The following UGGT1 variants were observed in gnomAD, a reference collection of about 807,000 sequenced individuals.
UGGT1 encodes the protein UDP-glucose glycoprotein glucosyltransferase 1.
A neutral mutation model predicts 203.9 loss-of-function variants in UGGT1; 107 were observed. That is an observed-to-expected ratio of 0.52 (90% CI 0.45 to 0.62). The LOEUF (loss-of-function observed/expected upper bound fraction) is 0.62. UGGT1 is among the 20% of genes least tolerant of loss of function. The probability of loss-of-function intolerance (pLI) is 0.00; values close to 1 mark genes in which losing one functional copy is unlikely to be tolerated. For missense variants in UGGT1, 1,673 were observed against 1,867.2 expected, an observed-to-expected ratio of 0.90 and a Z score of 1.92; for synonymous variants, 628 against 653.5, an observed-to-expected ratio of 0.96 and a Z score of 0.59.
chr2:128,166,616 T>C (rs1385068608), intron 26 of UGGT1, among the ~76,000 whole-genome samples: 5 of 152,218 alleles, frequency 3.3e-5, no homozygotes, highest in Admixed American at 1.3e-4. Context: ...CCATTTTTTT[T>C]CCTAGTCTTT....
chr2:128,158,560 G>C (rs1254650867), intron 22 of UGGT1, among the ~76,000 whole-genome samples: 5 of 152,170 alleles, frequency 3.3e-5, no homozygotes, highest in Non-Finnish European at 7.3e-5. Flanking sequence ...TTTTCATTCT[G>C]TAGTATTATA....
chr2:128,181,141 ATTTT>A lies in UGGT1; in HGVS notation c.4083+72_4083+75del, dbSNP rs372564065. The A allele has an allele frequency of 4.5e-4, 646 of 1,444,144 alleles. 5 individuals carry two copies. The African/African-American group carries it at 7.4e-3, about 17-fold the overall frequency. 89.5% of individuals were successfully genotyped at this position (1,444,144 alleles called of 1,614,324 possible). On this transcript the variant is annotated intron_variant, in intron 36 of 40. Coordinates refer to ENST00000259253, the MANE Select transcript of UGGT1 (RefSeq NM_020120.4). ...AACAAATTGCTTCTTTTTAAATGCT[ATTTT>A]TTCCACTTATGGAAAAGGACATGCT... is the stretch of plus-strand genomic sequence containing the variant.
rs1692217185 is a variant in UGGT1 at position 128,190,682 on chromosome 2, G to A, written c.*940G>A. 2 of 152,268 alleles carry A rather than the reference G, an allele frequency of 1.3e-5. No individual in the cohort carries two copies. Among genetic ancestry groups the A allele is most frequent in the South Asian group, 4.1e-4 (2 of 4,830 alleles). 9.4% of individuals were successfully genotyped at this position (152,268 alleles called of 1,614,324 possible). ...CCAGCCCGTCAGGGTCAGGGTCAGGGTCAGGCTCCCTCAAGACGAGCACCG... is the reference window on the plus strand; with the variant it reads ...CCAGCCCGTCAGGGTCAGGGTCAGGATCAGGCTCCCTCAAGACGAGCACCG... On this transcript the variant is annotated 3_prime_UTR_variant, in exon 41 of 41. Transcript: ENST00000259253.
At chr2:128,176,766 C>G (rs772989182) in intron 31 of UGGT1, 48 bp from the exon 32 acceptor site, 20 of 1,563,468 alleles carry the variant, frequency 1.3e-5, no homozygotes, top group Non-Finnish European at 1.7e-5. Flanking sequence ...CATTTGCTGC[C>G]TTTTGAGAAT....
At chr2:128,161,094 G>A in intron 24 of UGGT1, 44 bp from the exon 25 acceptor site, 1 of 1,607,306 alleles carries the variant, frequency 6.2e-7, no homozygotes. Flanking sequence ...GCTGAGTGCA[G>A]GCAGCCTTCC....
At chr2:128,137,942 G>A (rs947015354) in intron 15 of UGGT1, among the ~76,000 whole-genome samples, 1 of 151,890 alleles carries the variant, frequency 6.6e-6, no homozygotes, top group Admixed American at 6.6e-5. Flanking sequence ...TTTAACCTTG[G>A]TTATTGCTTT....
At chr2:128,186,207 A>C (rs1691974816) in intron 38 of UGGT1, among the ~76,000 whole-genome samples, 1 of 152,252 alleles carries the variant, frequency 6.6e-6, no homozygotes, top group Non-Finnish European at 1.5e-5. Context: ...AGTTTTGAAT[A>C]ACTTCTCTAA....
chr2:128,103,173 G>C, intron 2 of UGGT1: 1 of 463,086 alleles, frequency 2.2e-6, no homozygotes, highest in Non-Finnish European at 4.5e-6. Flanking sequence ...TCTGTAGTTT[G>C]CTTTAAGACA....
intron 8 of UGGT1, among the ~76,000 whole-genome samples, chr2:128,117,127 T>C (rs919150900): frequency 3.9e-5 from 6 of 152,228 alleles, no homozygotes; most frequent in Non-Finnish European, 8.8e-5. Flanking sequence ...TCTTGCTCTT[T>C]TGCCCAGGCT....
At position 128,161,281 on chromosome 2, in the gene UGGT1, A is replaced by G. The variant is rs768294686; in HGVS notation, c.2825+13A>G. The G allele has an allele frequency of 1.9e-6, 3 of 1,612,256 alleles. No individual in the cohort carries two copies. The highest frequency in any genetic ancestry group is 2.5e-6 in the Non-Finnish European group (3 of 1,179,338). ...TAGAAGAAGATGTGTAAGTTTTGCC[A>G]TAGGAGGAATTACAGGGGTTATATA... On this transcript the variant is annotated intron_variant, in intron 25 of 40. Coordinates refer to ENST00000259253, the MANE Select transcript of UGGT1 (RefSeq NM_020120.4).
At chr2:128,159,083 C>G (rs1028235400) in intron 22 of UGGT1, among the ~76,000 whole-genome samples, 1 of 141,830 alleles carries the variant, frequency 7.1e-6, no homozygotes, top group Non-Finnish European at 1.5e-5. Context: ...AGGAGGAGAA[C>G]TATCTGAGAC....
At chr2:128,160,362 C>A in intron 23 of UGGT1, 98 bp from the exon 24 acceptor site, 3 of 1,324,478 alleles carry the variant, frequency 2.3e-6, no homozygotes, top group Non-Finnish European at 3.0e-6. Context: ...TATTACTTTC[C>A]AGGGAAAGAA....
chr2:128,175,303 C>T (rs1257434719), intron 31 of UGGT1, among the ~76,000 whole-genome samples: 1 of 152,208 alleles, frequency 6.6e-6, no homozygotes, highest in South Asian at 2.1e-4. Flanking sequence ...TGCTGGTATT[C>T]CTTGGTCTGT....
chr2:128,172,959 G>A (rs1310506727), intron 29 of UGGT1, among the ~76,000 whole-genome samples, 197 bp downstream of exon 29: 1 of 151,994 alleles, frequency 6.6e-6, no homozygotes, highest in Non-Finnish European at 1.5e-5. Flanking sequence ...GTATCTTCAC[G>A]GAGTTGTGCA....
At chr2:128,136,251 A>G (rs1689125708) in intron 15 of UGGT1, among the ~76,000 whole-genome samples, 1 of 152,270 alleles carries the variant, frequency 6.6e-6, no homozygotes, top group South Asian at 2.1e-4. Flanking sequence ...AGTTTACATT[A>G]AGATTTGTTA....
chr2:128,175,424 A>C (rs532376953), intron 31 of UGGT1, among the ~76,000 whole-genome samples: 211 of 152,350 alleles, frequency 1.4e-3, no homozygotes, highest in African/African-American at 4.7e-3. Flanking sequence ...TTTGATATAA[A>C]TTCTGCTTAA....
intron 26 of UGGT1, among the ~76,000 whole-genome samples, chr2:128,165,771 TA>T (rs781757027): frequency 0.018 from 2,613 of 146,932 alleles, 29 homozygotes; most frequent in Non-Finnish European, 0.022. Context: ...AAACTTTTTT[TA>T]AAAAAAAAAA....
chr2:128,170,501 A>G lies in UGGT1; in HGVS notation c.3024+111A>G, dbSNP rs1691039968. 1.2e-5 allele frequency: 10 copies of G among 826,852 alleles called. No homozygotes were observed. The South Asian group carries it at 1.4e-4, about 12-fold the overall frequency. 51.2% of individuals were successfully genotyped at this position (826,852 alleles called of 1,614,324 possible). Reference sequence around the variant, plus strand: ...GAGTTGCCTTCAACAGGCACTGGACAATGCTATGGGGTTCTAGGGCAGAGC... The same window carrying G: ...GAGTTGCCTTCAACAGGCACTGGACGATGCTATGGGGTTCTAGGGCAGAGC... On this transcript the variant is annotated intron_variant, in intron 27 of 40. Coordinates refer to ENST00000259253, the MANE Select transcript of UGGT1 (RefSeq NM_020120.4).
intron 2 of UGGT1, among the ~76,000 whole-genome samples, chr2:128,098,839 A>C (rs562311495): frequency 0.016 from 411 of 26,106 alleles, 3 homozygotes; most frequent in African/African-American, 0.023. Flanking sequence ...TTAGTGAAAC[A>C]TAGTAATTTC....
Sources: gnomAD v4.1 joint callset for allele counts (sites outside exome capture counted in the v4.1 genomes callset) on GRCh38, gnomAD v4.1.1 for gene constraint, MANE v1.5 for transcripts, NCBI Gene and HGNC (gene_info 2026-07-23, HGNC 2026-07-21) for gene names.